RPS6KA1: variants seen among roughly 807,000 people sequenced by gnomAD.
The protein encoded by RPS6KA1 is ribosomal protein S6 kinase A1, also known as ribosomal protein S6 kinase alpha-1.
A neutral mutation model predicts 91.3 loss-of-function variants in RPS6KA1; 48 were observed. The ratio of observed to expected loss-of-function variants is 0.53; its 90% confidence interval spans 0.42 to 0.67. The LOEUF (loss-of-function observed/expected upper bound fraction) is 0.67. Among genes scored for constraint, RPS6KA1 ranks in the 30% least tolerant of loss-of-function variants. The probability of loss-of-function intolerance (pLI) is 0.00; values close to 1 mark genes in which losing one functional copy is unlikely to be tolerated. For missense variants in RPS6KA1, 719 were observed against 960.5 expected, an observed-to-expected ratio of 0.75 and a Z score of 3.32; for synonymous variants, 359 against 384.7, an observed-to-expected ratio of 0.93 and a Z score of 0.78.
At chr1:26,534,830 G>T (rs1044904335) in intron 1 of RPS6KA1, among the ~76,000 whole-genome samples, 3 of 152,186 alleles carry the variant, frequency 2.0e-5, no homozygotes, top group Non-Finnish European at 4.4e-5. Flanking sequence ...TAGTTATTGT[G>T]CTGGGCAGTT....
chr1:26,541,955 C>A (rs536083621), intron 2 of RPS6KA1, among the ~76,000 whole-genome samples: 1 of 152,178 alleles, frequency 6.6e-6, no homozygotes, highest in Admixed American at 6.5e-5. Flanking sequence ...AGTCCCTATG[C>A]GGGGGATGGG....
chr1:26,555,305 C>T lies in RPS6KA1; in HGVS notation c.827+84C>T. Reference sequence around the variant, plus strand: ...GGGGTCAGAATATTATTACCCTGTCCCTGCCTCAGCTACCCTCTCTAATGA... The same window carrying T: ...GGGGTCAGAATATTATTACCCTGTCTCTGCCTCAGCTACCCTCTCTAATGA... On this transcript the variant is annotated intron_variant, in intron 10 of 21. Transcript: ENST00000374168. This position sits in a 1 kb window ranked among gnomAD's most constrained non-coding sequence, Gnocchi z 4.3. 4 of 1,338,014 alleles carry T rather than the reference C, an allele frequency of 3.0e-6. No individual in the cohort carries two copies. Among genetic ancestry groups the T allele is most frequent in the Non-Finnish European group, 4.2e-6 (4 of 941,346 alleles). 82.9% of individuals were successfully genotyped at this position (1,338,014 alleles called of 1,614,324 possible). A position where few individuals can be genotyped will look rare whatever the true frequency, so the allele number is the denominator to read the frequency against.
At chr1:26,553,328 C>A in intron 6 of RPS6KA1, 63 bp from the exon 7 acceptor site, 1 of 1,168,554 alleles carries the variant, frequency 8.6e-7, no homozygotes, top group Non-Finnish European at 1.3e-6. Context: ...CTGCTGACTG[C>A]CCAGTGCCCC....
At position 26,572,249 on chromosome 1, in the gene RPS6KA1, A is replaced by G. The variant is rs778712750; in HGVS notation, c.1903A>G (p.Thr635Ala). ...ILTRIGSGKF[T>A]LSGGNWNTVS... The stretch of plus-strand genomic sequence containing the variant: ...AACCCGGATCGGCAGTGGGAAGTTT[A>G]CCCTCAGTGGGGGAAATTGGAACAC... Residue 635 changes from threonine to alanine, a missense_variant, in exon 20 of 22, where the codon ACC (threonine) becomes GCC (alanine). Physicochemically the swap from Thr to Ala is moderately conservative, Grantham distance 58 (BLOSUM62 0). Around this residue, in one of 5 missense-constraint regions of RPS6KA1, gnomAD observed 249 missense variants for 323.1 expected, o/e 0.77. Coordinates refer to ENST00000374168, the MANE Select transcript of RPS6KA1 (RefSeq NM_002953.4). 1 of 1,613,848 alleles carries G rather than the reference A, an allele frequency of 6.2e-7. No individual in the cohort carries two copies. Among genetic ancestry groups the G allele is most frequent in the Admixed American group, 1.7e-5 (1 of 59,980 alleles).
rs571089307 is a variant in RPS6KA1, at chr1:26,551,134, A to C, written c.308-263A>C. 5.3e-5 allele frequency among the ~76,000 whole-genome samples: 8 copies of C among 152,240 alleles called. No homozygotes were observed. In the East Asian group the frequency reaches 1.4e-3, roughly 26 times the overall value. ...GGTCTTGATGGGGTCTGGTGGGAAA[A>C]GGGACCAGAGAGATGGGCAGGGTGC... is the stretch of plus-strand genomic sequence containing the variant. On this transcript the variant is annotated intron_variant, in intron 4 of 21. Transcript: ENST00000374168. This position sits in a 1 kb window ranked among gnomAD's most constrained non-coding sequence, Gnocchi z 4.5.
chr1:26,551,961 C>T lies in RPS6KA1; in HGVS notation c.468+238C>T, dbSNP rs1243352119. Reference sequence around the variant, plus strand: ...CCAGGGAGCTAAGGGTTCCTCTCACCTCTGCACCTGCCTTCTTCCAGGGCT... The same window carrying T: ...CCAGGGAGCTAAGGGTTCCTCTCACTTCTGCACCTGCCTTCTTCCAGGGCT... On this transcript the variant is annotated intron_variant, in intron 6 of 21. Transcript: ENST00000374168. The surrounding 1 kb of genome is among the most constrained non-coding windows in gnomAD (Gnocchi z 4.5). Among the ~76,000 whole-genome samples the T allele has an allele frequency of 6.6e-6, 1 of 152,230 alleles. No individual in the cohort carries two copies. Among genetic ancestry groups the T allele is most frequent in the Non-Finnish European group, 1.5e-5 (1 of 68,044 alleles).
chr1:26,542,838 G>A (rs1447116492), intron 2 of RPS6KA1, among the ~76,000 whole-genome samples: 2 of 152,206 alleles, frequency 1.3e-5, no homozygotes, highest in African/African-American at 4.8e-5. Flanking sequence ...CTCCCCTCAC[G>A]TGGATGTTTG....
At position 26,558,177 on chromosome 1, in the gene RPS6KA1, CAG is replaced by C. The variant is rs2076122613; in HGVS notation, c.1085-629_1085-628del. On this transcript the variant is annotated intron_variant, in intron 13 of 21. Transcript: ENST00000374168. This position sits in a 1 kb window ranked among gnomAD's most constrained non-coding sequence, Gnocchi z 4.0. ...GTGACAAGTGCAGCTTCGTAGGAGT[CAG>C]GGGCCGGAGGAGCAGCATCAGGCAA... 6.6e-6 allele frequency among the ~76,000 whole-genome samples: 1 copy of C among 152,106 alleles called. No homozygotes were observed. The highest frequency in any genetic ancestry group is 6.6e-5 in the Admixed American group (1 of 15,264).
chr1:26,546,110 T>C, intron 2 of RPS6KA1: 2 of 1,539,460 alleles, frequency 1.3e-6, no homozygotes, highest in East Asian at 2.4e-5. Context: ...CAGCTTAACA[T>C]AAGCTGGCTT....
At chr1:26,531,992 C>T (rs182616485) in intron 1 of RPS6KA1, among the ~76,000 whole-genome samples, 364 of 152,276 alleles carry the variant, frequency 2.4e-3, no homozygotes, top group African/African-American at 8.6e-3. Context: ...GCCGCCTGAC[C>T]TGCACGTACA....
intron 2 of RPS6KA1, among the ~76,000 whole-genome samples, chr1:26,545,171 T>C (rs570910257): frequency 1.0e-4 from 15 of 150,350 alleles, no homozygotes; most frequent in African/African-American, 3.4e-4. Context: ...TCTTTCTTTT[T>C]CTTTTTCTTT....
intron 4 of RPS6KA1, among the ~76,000 whole-genome samples, chr1:26,550,180 A>ATTTTTTT (rs749615792): frequency 9.4e-6 from 1 of 106,282 alleles, no homozygotes; most frequent in African/African-American, 3.7e-5. Flanking sequence ...CGCCTGGCCA[A>ATTTTTTT]TTTTTTTTTT....
At chr1:26,549,568 C>T (rs991837738) in intron 4 of RPS6KA1, among the ~76,000 whole-genome samples, 1 of 150,710 alleles carries the variant, frequency 6.6e-6, no homozygotes, top group African/African-American at 2.4e-5. Flanking sequence ...GACCCTGTCC[C>T]ATTAAAAAAA....
intron 20 of RPS6KA1, 24 bp from the exon 21 acceptor site, chr1:26,573,200 C>T: frequency 6.2e-7 from 1 of 1,611,782 alleles, no homozygotes; most frequent in Non-Finnish European, 8.5e-7. Flanking sequence ...CCTCCCCCAA[C>T]CCCCTTGCCC....
chr1:26,547,602 G>A lies in RPS6KA1; in HGVS notation c.307+332G>A, dbSNP rs989327282. On this transcript the variant is annotated intron_variant, in intron 4 of 21. Coordinates refer to ENST00000374168, the MANE Select transcript of RPS6KA1 (RefSeq NM_002953.4). The surrounding 1 kb of genome is among the most constrained non-coding windows in gnomAD (Gnocchi z 4.1). ...GAAGAGTCTGGGGGAGACCTCTGTG[G>A]CCCCTAACTCAGGGGCCTGAGAGAA... The A allele has an allele frequency of 2.6e-5, 7 of 270,032 alleles. No homozygotes were observed. The highest frequency in any genetic ancestry group is 2.2e-5 in the Non-Finnish European group (3 of 134,660). The allele number at this position is 270,032 out of a possible 1,614,324, so 16.7% of individuals were successfully genotyped here.
rs1180490583 is a variant in RPS6KA1 at position 26,529,804 on chromosome 1, A to G, written c.-117A>G. On this transcript the variant is annotated 5_prime_UTR_variant, in exon 1 of 22. Transcript: ENST00000374168. This position sits in a 1 kb window ranked among gnomAD's most constrained non-coding sequence, Gnocchi z 4.2. ...CGGCGGCGGCGGACGGCCCAGCCGGAGCGCGAGGGGCTCGGGGGGGCGCGG... is the reference window on the plus strand; with the variant it reads ...CGGCGGCGGCGGACGGCCCAGCCGGGGCGCGAGGGGCTCGGGGGGGCGCGG... 2.1e-5 allele frequency: 15 copies of G among 704,746 alleles called. No homozygotes were observed. The highest frequency in any genetic ancestry group is 1.4e-4 in the East Asian group (3 of 21,182). 43.7% of individuals were successfully genotyped at this position (704,746 alleles called of 1,614,324 possible).
chr1:26,574,423 T>A lies in RPS6KA1; in HGVS notation c.*222T>A, dbSNP rs751845077. The A allele has an allele frequency of 1.5e-5, 11 of 756,438 alleles. No individual in the cohort carries two copies. The highest frequency in any genetic ancestry group is 2.5e-5 in the Non-Finnish European group (10 of 406,302). The allele number at this position is 756,438 out of a possible 1,614,324, so 46.9% of individuals were successfully genotyped here. A position where few individuals can be genotyped will look rare whatever the true frequency, so the allele number is the denominator to read the frequency against. ...GCTCTGCTGGTGGAAAGCGATTCAC[T>A]GTATAAACTTTTTTTTATGAAAAAA... is the stretch of plus-strand genomic sequence containing the variant. On this transcript the variant is annotated 3_prime_UTR_variant, in exon 22 of 22. Coordinates refer to ENST00000374168, the MANE Select transcript of RPS6KA1 (RefSeq NM_002953.4). The surrounding 1 kb of genome is among the most constrained non-coding windows in gnomAD (Gnocchi z 4.3).
In RPS6KA1 at chr1:26,565,832, G is replaced by A. The variant is rs2076196644; in HGVS notation, c.1590+4169G>A. On this transcript the variant is annotated intron_variant, in intron 17 of 21. Coordinates refer to ENST00000374168, the MANE Select transcript of RPS6KA1 (RefSeq NM_002953.4). ...CGGTCTCGGCCTCCCAAAGTGCTGGGATTACAGGCGCGGCCCCGTTTTGGA... is the reference window on the plus strand; with the variant it reads ...CGGTCTCGGCCTCCCAAAGTGCTGGAATTACAGGCGCGGCCCCGTTTTGGA... Among the ~76,000 whole-genome samples the A allele has an allele frequency of 2.6e-5, 4 of 152,174 alleles. No individual in the cohort carries two copies. In the South Asian group the frequency reaches 8.3e-4, roughly 32 times the overall value.
Position 26,551,592 on chromosome 1 carries a change from G to A in RPS6KA1, c.389-52G>A, listed in dbSNP as rs2076050665. The stretch of plus-strand genomic sequence containing the variant: ...GGCCAAGGGAGCCAGGGCCGGAGAA[G>A]CAGATCATAAGGCCGCGCCGACTCT... On this transcript the variant is annotated intron_variant, in intron 5 of 21. Coordinates refer to ENST00000374168, the MANE Select transcript of RPS6KA1 (RefSeq NM_002953.4). The surrounding 1 kb of genome is among the most constrained non-coding windows in gnomAD (Gnocchi z 4.5). 4 of 1,602,234 alleles carry A rather than the reference G, an allele frequency of 2.5e-6. No individual in the cohort carries two copies. The African/African-American group carries it at 4.0e-5, about 16-fold the overall frequency.
Sources: allele counts gnomAD v4.1 joint callset (sites outside exome capture counted in the v4.1 genomes callset), GRCh38; gene constraint gnomAD v4.1.1; regional missense constraint gnomAD v4.1.1; non-coding constraint Gnocchi (gnomAD v3.1); transcripts MANE v1.5; gene names NCBI Gene and HGNC (gene_info 2026-07-23, HGNC 2026-07-21).